RTF1: variants seen among roughly 807,000 people sequenced by gnomAD.
RTF1 encodes RTF1 homolog, Paf1/RNA polymerase II complex component, also known as RNA polymerase-associated protein RTF1 homolog.
In RTF1, 10 loss-of-function variants were observed where a neutral mutation model predicts 95.7. The ratio of observed to expected loss-of-function variants is 0.10; its 90% confidence interval spans 0.06 to 0.18. The LOEUF is 0.18. Among genes scored for constraint, RTF1 ranks in the 10% least tolerant of loss-of-function variants. RTF1 has a pLI of 1.00. For synonymous variants in RTF1, 305 were observed against 311.8 expected, an observed-to-expected ratio of 0.98 and a Z score of 0.23; for missense variants, 458 against 875.6, an observed-to-expected ratio of 0.52 and a Z score of 6.02.
chr15:41,434,916 C>T (rs753484846), intron 1 of RTF1, among the ~76,000 whole-genome samples: 75 of 151,760 alleles, frequency 4.9e-4, no homozygotes, highest in Non-Finnish European at 9.4e-4. Context: ...CGTGAGCCAC[C>T]GCGCCTGGCC....
At chr15:41,447,621 G>A (rs1204604279) in intron 2 of RTF1, among the ~76,000 whole-genome samples, 2 of 152,162 alleles carry the variant, frequency 1.3e-5, no homozygotes, top group Non-Finnish European at 2.9e-5. Context: ...CTTTTCTGGT[G>A]TTCTGTGGGG....
chr15:41,427,395 C>A (rs1229499491), intron 1 of RTF1, among the ~76,000 whole-genome samples: 1 of 152,092 alleles, frequency 6.6e-6, no homozygotes, highest in African/African-American at 2.4e-5. Context: ...TCGTGATCCA[C>A]CCACCCTGGC....
At chr15:41,452,765 A>T in intron 2 of RTF1, 136 bp from the exon 3 acceptor site, 3 of 689,600 alleles carry the variant, frequency 4.4e-6, no homozygotes, top group South Asian at 3.4e-5. Flanking sequence ...AAAAATCTGT[A>T]TTTTTTTTCA....
intron 1 of RTF1, among the ~76,000 whole-genome samples, chr15:41,431,762 G>A (rs866499493): frequency 9.9e-5 from 15 of 151,744 alleles, no homozygotes; most frequent in Middle Eastern, 3.5e-3. Context: ...GCTTCCCAAA[G>A]TGCTAGGACT....
At chr15:41,451,465 T>TG (rs1257281420) in intron 2 of RTF1, among the ~76,000 whole-genome samples, 1 of 152,178 alleles carries the variant, frequency 6.6e-6, no homozygotes, top group Non-Finnish European at 1.5e-5. Context: ...TTTTTGGCCT[T>TG]GGGGTAGTTA....
At chr15:41,467,303 C>T (rs926962576) in intron 6 of RTF1, among the ~76,000 whole-genome samples, 5 of 152,142 alleles carry the variant, frequency 3.3e-5, no homozygotes, top group African/African-American at 1.2e-4. Flanking sequence ...CAAGCAAAGA[C>T]ACACATGCCT....
intron 1 of RTF1, among the ~76,000 whole-genome samples, chr15:41,437,044 G>A (rs566040297): frequency 4.4e-4 from 65 of 146,364 alleles, no homozygotes; most frequent in Non-Finnish European, 8.7e-4. Context: ...CCGAGATCTC[G>A]CCACTGCACT....
At chr15:41,431,195 C>A (rs760326498) in intron 1 of RTF1, among the ~76,000 whole-genome samples, 1 of 150,850 alleles carries the variant, frequency 6.6e-6, no homozygotes, top group Non-Finnish European at 1.5e-5. Context: ...TGAGCCACTG[C>A]GTCCAGCGGG....
In RTF1 at chr15:41,483,299, G is replaced by C. The variant is rs531089729; in HGVS notation, c.*2612G>C. 2.0e-5 allele frequency: 3 copies of C among 152,678 alleles called. No individual in the cohort carries two copies. The East Asian group carries it at 5.8e-4, about 29-fold the overall frequency. 9.5% of individuals were successfully genotyped at this position (152,678 alleles called of 1,614,324 possible). On this transcript the variant is annotated 3_prime_UTR_variant, in exon 18 of 18. Transcript: ENST00000389629. ...TGGGCCCCTCCTCCCTCCACAGTGT[G>C]GTTTCAGTGTTGAAGGGTGCAGCAC...
At chr15:41,453,619 T>C (rs1301164406) in intron 3 of RTF1, among the ~76,000 whole-genome samples, 1 of 151,600 alleles carries the variant, frequency 6.6e-6, no homozygotes, top group Non-Finnish European at 1.5e-5. Flanking sequence ...CCCAACTACT[T>C]AGGAGGCTGA....
At position 41,482,425 on chromosome 15, in the gene RTF1, A is replaced by G. The variant is rs944893925; in HGVS notation, c.*1738A>G. The G allele has an allele frequency of 3.9e-5, 6 of 152,542 alleles. No individual in the cohort carries two copies. Among genetic ancestry groups the G allele is most frequent in the Admixed American group, 6.5e-5 (1 of 15,280 alleles). 9.4% of individuals were successfully genotyped at this position (152,542 alleles called of 1,614,324 possible). ...TTCCTCACCCTGCTTTCGTACAAGG[A>G]AGGGGGACGATGGGAAATCATGGAC... On this transcript the variant is annotated 3_prime_UTR_variant, in exon 18 of 18. Coordinates refer to ENST00000389629, the MANE Select transcript of RTF1 (RefSeq NM_015138.5).
chr15:41,418,625 A>T (rs987484488), intron 1 of RTF1, among the ~76,000 whole-genome samples: 1 of 152,048 alleles, frequency 6.6e-6, no homozygotes, highest in Non-Finnish European at 1.5e-5. Flanking sequence ...AGCCTGACCA[A>T]CATGGAGAAA....
chr15:41,427,443 G>A (rs759111660), intron 1 of RTF1, among the ~76,000 whole-genome samples: 27 of 152,072 alleles, frequency 1.8e-4, no homozygotes, highest in Non-Finnish European at 3.7e-4. Context: ...GAGCCACTGC[G>A]CCCGGCCCTA....
intron 6 of RTF1, among the ~76,000 whole-genome samples, chr15:41,469,260 T>A (rs2050897138): frequency 6.6e-6 from 1 of 152,118 alleles, no homozygotes; most frequent in South Asian, 2.1e-4. Flanking sequence ...CAGCCTAAAA[T>A]TTTTTTATAT....
chr15:41,441,926 A>G (rs1405121880), intron 2 of RTF1, among the ~76,000 whole-genome samples: 1 of 152,208 alleles, frequency 6.6e-6, no homozygotes. Context: ...TCTTTGGCCC[A>G]AGATACTAGC....
intron 2 of RTF1, among the ~76,000 whole-genome samples, chr15:41,443,528 CAA>C (rs1236445780): frequency 5.3e-5 from 8 of 150,872 alleles, no homozygotes; most frequent in Non-Finnish European, 1.0e-4. Flanking sequence ...AAGGTTCAAA[CAA>C]GAGTGATTGG....
chr15:41,456,973 A>T (rs1021950053), intron 3 of RTF1, among the ~76,000 whole-genome samples: 4 of 152,184 alleles, frequency 2.6e-5, no homozygotes, highest in Admixed American at 6.5e-5. Flanking sequence ...AGTCCCAGCT[A>T]CGCAGGAGGC....
intron 1 of RTF1, among the ~76,000 whole-genome samples, chr15:41,421,194 T>C (rs1007284358): frequency 2.0e-5 from 3 of 152,008 alleles, no homozygotes; most frequent in African/African-American, 7.2e-5. Context: ...CAGTGGCTCA[T>C]ACCTGTAATC....
chr15:41,474,546 G>A, intron 8 of RTF1, 74 bp from the exon 9 acceptor site: 3 of 1,022,004 alleles, frequency 2.9e-6, no homozygotes, highest in South Asian at 1.3e-5. Context: ...CAGGTAGAGA[G>A]ACGCAAAGGA....
Sources: allele counts gnomAD v4.1 joint callset (sites outside exome capture counted in the v4.1 genomes callset), GRCh38; gene constraint gnomAD v4.1.1; transcripts MANE v1.5; gene names NCBI Gene and HGNC (gene_info 2026-07-23, HGNC 2026-07-21).